The following OPCML variants were observed in gnomAD, a reference collection of about 807,000 sequenced individuals.
OPCML encodes opioid binding protein/cell adhesion molecule like, also known as opioid-binding protein/cell adhesion molecule.
Under a neutral mutation model 37.8 loss-of-function variants are expected in OPCML, and 13 were observed. That is an observed-to-expected ratio of 0.34 (90% CI 0.22 to 0.55). OPCML has a LOEUF of 0.55. OPCML is among the 20% of genes least tolerant of loss of function. The pLI is 0.91. For synonymous variants in OPCML, 176 were observed against 168.8 expected (o/e 1.04, Z -0.33); for missense variants, 341 against 435.6 (o/e 0.78, Z 1.93).
At chr11:132,909,892 T>C (rs1316641453) in intron 2 of OPCML, among the ~76,000 whole-genome samples, 1 of 152,222 alleles carries the variant, frequency 6.6e-6, no homozygotes, top group Non-Finnish European at 1.5e-5. Context: ...TCAGGGTAAA[T>C]GCTCTGTTAA....
chr11:133,489,104 G>A (rs889681635), intron 1 of OPCML, among the ~76,000 whole-genome samples: 1 of 151,956 alleles, frequency 6.6e-6, no homozygotes, highest in Non-Finnish European at 1.5e-5. Context: ...CTAAAGGTAA[G>A]ACCTGGAACT....
At position 132,681,835 on chromosome 11, in the gene OPCML, T is replaced by G. The variant is rs371970126; in HGVS notation, c.147-24516A>C. ...GCTGGGGTGGTGGCGGGCACCTGTA[T>G]TCCCAGCTACTCAGGAGGCTGAGGC... On this transcript the variant is annotated intron_variant, in intron 2 of 7. Transcript: ENST00000524381. Among the ~76,000 whole-genome samples, 94 of 152,028 alleles carry G rather than the reference T, an allele frequency of 6.2e-4. 1 individual carries two copies. Among genetic ancestry groups the G allele is most frequent in the African/African-American group, 2.1e-3 (86 of 41,464 alleles).
At chr11:132,706,680 T>C (rs956660223) in intron 2 of OPCML, among the ~76,000 whole-genome samples, 6 of 152,096 alleles carry the variant, frequency 3.9e-5, no homozygotes, top group African/African-American at 1.4e-4. Context: ...AGAGCCCCTA[T>C]TTTACCTCTG....
intron 3 of OPCML, among the ~76,000 whole-genome samples, chr11:132,560,931 CTATT>C (rs2096409322): frequency 1.3e-5 from 2 of 152,092 alleles, no homozygotes; most frequent in African/African-American, 4.8e-5. Flanking sequence ...TAAGTCCTAT[CTATT>C]TATCTTTGTT....
chr11:133,366,332 C>T (rs895961201), intron 1 of OPCML, among the ~76,000 whole-genome samples: 4 of 152,188 alleles, frequency 2.6e-5, no homozygotes, highest in African/African-American at 7.2e-5. Context: ...GGCTGCATGA[C>T]TTAGTGCCTT....
At chr11:132,632,740 C>G (rs953173166) in intron 3 of OPCML, among the ~76,000 whole-genome samples, 1 of 152,104 alleles carries the variant, frequency 6.6e-6, no homozygotes, top group Admixed American at 6.5e-5. Flanking sequence ...TCATATCCGC[C>G]TTTCAGTTGT....
intron 2 of OPCML, among the ~76,000 whole-genome samples, chr11:132,895,599 G>A (rs1056591278): frequency 1.3e-5 from 2 of 152,238 alleles, no homozygotes; most frequent in Non-Finnish European, 2.9e-5. Flanking sequence ...ATGGGGATGT[G>A]TGGGAGGGCT....
At chr11:133,000,022 A>G (rs749743794) in intron 1 of OPCML, among the ~76,000 whole-genome samples, 1 of 152,158 alleles carries the variant, frequency 6.6e-6, no homozygotes, top group Non-Finnish European at 1.5e-5. Flanking sequence ...AATGAAGTTG[A>G]CAAGAAAGGA....
chr11:132,514,928 C>T (rs1458783972), intron 4 of OPCML, among the ~76,000 whole-genome samples: 1 of 152,114 alleles, frequency 6.6e-6, no homozygotes, highest in Non-Finnish European at 1.5e-5. Flanking sequence ...GGGAGACAAA[C>T]CCTTTCACCA....
intron 7 of OPCML, among the ~76,000 whole-genome samples, chr11:132,430,760 C>T (rs1263832617): frequency 6.6e-6 from 1 of 152,160 alleles, no homozygotes; most frequent in African/African-American, 2.4e-5. Context: ...CTCCCCCCTC[C>T]GTCTTGGCTT....
intron 1 of OPCML, chr11:133,365,341 G>T: frequency 6.5e-6 from 1 of 153,132 alleles, no homozygotes; most frequent in South Asian, 1.9e-4. Flanking sequence ...GGAAGTCCAA[G>T]ATCAAGGCAC....
At chr11:133,092,036 T>C (rs936623182) in intron 1 of OPCML, among the ~76,000 whole-genome samples, 5 of 152,002 alleles carry the variant, frequency 3.3e-5, no homozygotes, top group Non-Finnish European at 7.4e-5. Context: ...GGTGATTAGG[T>C]CATGAGGGTG....
intron 2 of OPCML, among the ~76,000 whole-genome samples, chr11:132,845,868 A>G (rs1941509177): frequency 6.6e-6 from 1 of 152,018 alleles, no homozygotes; most frequent in Admixed American, 6.5e-5. Flanking sequence ...TTCCCTGCTC[A>G]GTCTTCCATG....
chr11:133,277,840 C>T (rs916478328), intron 1 of OPCML, among the ~76,000 whole-genome samples: 4 of 151,788 alleles, frequency 2.6e-5, no homozygotes, highest in Non-Finnish European at 5.9e-5. Flanking sequence ...CGTCAGAAAC[C>T]CCATAAGATA....
chr11:133,409,079 A>AG (rs1404504111), intron 1 of OPCML, among the ~76,000 whole-genome samples: 1 of 152,130 alleles, frequency 6.6e-6, no homozygotes, highest in Non-Finnish European at 1.5e-5. Flanking sequence ...GGCAGCTGTG[A>AG]GGGGGACGAG....
intron 2 of OPCML, among the ~76,000 whole-genome samples, chr11:132,915,713 C>T (rs2136559678): frequency 6.6e-6 from 1 of 152,214 alleles, no homozygotes; most frequent in South Asian, 2.1e-4. Context: ...TTTGTATTTC[C>T]CTGATAACTC....
At chr11:132,563,745 T>G (rs912248437) in intron 3 of OPCML, among the ~76,000 whole-genome samples, 1 of 152,130 alleles carries the variant, frequency 6.6e-6, no homozygotes, top group Non-Finnish European at 1.5e-5. Flanking sequence ...CAAGTTTCTT[T>G]GAAAGCACTT....
chr11:133,518,467 G>A (rs1948332114), intron 1 of OPCML, among the ~76,000 whole-genome samples: 1 of 151,894 alleles, frequency 6.6e-6, no homozygotes. Flanking sequence ...GTGTGTATAA[G>A]TGTGTGCATG....
intron 1 of OPCML, among the ~76,000 whole-genome samples, chr11:133,002,754 A>G (rs969802782): frequency 5.3e-5 from 7 of 132,272 alleles, no homozygotes; most frequent in African/African-American, 2.1e-4. Context: ...GAAGGAGGAA[A>G]GAGAAGAAGG....
Sources: allele counts gnomAD v4.1 joint callset (sites outside exome capture counted in the v4.1 genomes callset), GRCh38; gene constraint gnomAD v4.1.1; transcripts MANE v1.5; gene names NCBI Gene and HGNC (gene_info 2026-07-23, HGNC 2026-07-21).